Variants in LAMA2 observed in about 807,000 individuals in gnomAD.
LAMA2 encodes laminin subunit alpha 2, also known as laminin subunit alpha-2.
A neutral mutation model predicts 364.8 loss-of-function variants in LAMA2; 269 were observed. The ratio of observed to expected loss-of-function variants is 0.74; its 90% CI spans 0.67 to 0.82. The LOEUF is 0.82. Ranked by LOEUF, LAMA2 falls within the 40% of genes least tolerant of loss-of-function variation. LAMA2 has a pLI of 0.00. For missense variants in LAMA2, 3,807 were observed against 3,873.2 expected (o/e 0.98, Z 0.45); for synonymous variants, 1,379 against 1,370.6 (o/e 1.01, Z -0.14).
intron 1 of LAMA2, among the ~76,000 whole-genome samples, chr6:128,902,062 A>G (rs548309094): frequency 6.6e-6 from 1 of 152,222 alleles, no homozygotes; most frequent in Non-Finnish European, 1.5e-5. Flanking sequence ...AGGAAGGAGA[A>G]GTGCAGAGCG....
At chr6:129,222,976 C>T (rs898634805) in intron 12 of LAMA2, among the ~76,000 whole-genome samples, 2 of 152,300 alleles carry the variant, frequency 1.3e-5, no homozygotes, top group African/African-American at 4.8e-5. Context: ...AAAAGTGTTC[C>T]TATTTCTCCA....
intron 61 of LAMA2, 34 bp from the exon 62 acceptor site, chr6:129,507,455 C>T (rs1786184292): frequency 6.2e-7 from 1 of 1,612,710 alleles, no homozygotes; most frequent in Non-Finnish European, 8.5e-7. Context: ...TCTGCTAAAA[C>T]CTGACATTTG....
chr6:129,014,496 A>G (rs981852242), intron 1 of LAMA2, among the ~76,000 whole-genome samples: 20 of 152,192 alleles, frequency 1.3e-4, no homozygotes, highest in Non-Finnish European at 1.6e-4. Flanking sequence ...TCCAGATTTC[A>G]GCAGCATCAG....
chr6:129,048,540 CCTTT>C lies in LAMA2; in HGVS notation c.113-1367_113-1364del, dbSNP rs1308439018. On this transcript the variant is annotated intron_variant, in intron 1 of 64. Coordinates refer to ENST00000421865, the MANE Select transcript of LAMA2 (RefSeq NM_000426.4). ...TCCTTCCTTCCTTCCTTCCTTCCTT[CCTTT>C]CTTTCTTTCTCTCTCTCTCTCTCTT... Among the ~76,000 whole-genome samples, 10 of 53,990 alleles carry C rather than the reference CCTTT, an allele frequency of 1.9e-4. No homozygotes were observed. In the South Asian group the frequency reaches 2.9e-3, roughly 16 times the overall value. The allele number at this position is 53,990 out of a possible 152,430, so 35.4% of individuals were successfully genotyped here.
At chr6:129,116,377 A>T (rs1318047906) in intron 4 of LAMA2, among the ~76,000 whole-genome samples, 1 of 151,986 alleles carries the variant, frequency 6.6e-6, no homozygotes, top group African/African-American at 2.4e-5. Flanking sequence ...TCACGTCTTG[A>T]CTCTCAGTGA....
At chr6:129,388,049 G>C (rs1779110543) in intron 35 of LAMA2, among the ~76,000 whole-genome samples, 1 of 152,176 alleles carries the variant, frequency 6.6e-6, no homozygotes, top group African/African-American at 2.4e-5. Flanking sequence ...CCTGAGGTCA[G>C]GCGTTCAAGA....
At chr6:129,088,945 T>A (rs1241059232) in intron 3 of LAMA2, among the ~76,000 whole-genome samples, 5 of 152,086 alleles carry the variant, frequency 3.3e-5, no homozygotes, top group Admixed American at 3.3e-4. Flanking sequence ...CTCGGCACTT[T>A]GGGAGGCCAA....
intron 10 of LAMA2, among the ~76,000 whole-genome samples, chr6:129,184,146 A>G (rs1022441971): frequency 2.6e-5 from 4 of 151,848 alleles, no homozygotes; most frequent in Non-Finnish European, 5.9e-5. Context: ...TTTTCCCTGA[A>G]AGGATTTTTA....
chr6:129,139,501 T>C (rs1344770346), intron 4 of LAMA2, among the ~76,000 whole-genome samples: 1 of 152,138 alleles, frequency 6.6e-6, no homozygotes, highest in East Asian at 1.9e-4. Context: ...TTTTGAAATA[T>C]GTGTATAGGT....
intron 32 of LAMA2, among the ~76,000 whole-genome samples, chr6:129,353,684 G>C (rs778192045): frequency 3.3e-5 from 5 of 152,088 alleles, no homozygotes; most frequent in African/African-American, 4.8e-5. Context: ...CATTGCCTTT[G>C]TGACAGATTA....
chr6:129,490,768 T>C (rs947576323), intron 56 of LAMA2: 1 of 152,162 alleles, frequency 6.6e-6, no homozygotes, highest in Non-Finnish European at 1.5e-5. Flanking sequence ...CATTTTTCCA[T>C]AGTTTGGTAA....
chr6:129,423,303 A>G lies in LAMA2; in HGVS notation c.5866-4449A>G, dbSNP rs115310097. Among the ~76,000 whole-genome samples the G allele has an allele frequency of 2.9e-3, 438 of 152,250 alleles. 3 individuals are homozygous for G. The highest frequency in any genetic ancestry group is 9.9e-3 in the African/African-American group (411 of 41,534). On this transcript the variant is annotated intron_variant, in intron 40 of 64. Transcript: ENST00000421865. ...CATTACTTCCATTTAACATTGTACT[A>G]GAGAGACTAACCAGTACAAGGGGCA...
intron 1 of LAMA2, among the ~76,000 whole-genome samples, chr6:128,897,785 GC>G (rs1776859166): frequency 6.6e-6 from 1 of 152,094 alleles, no homozygotes; most frequent in African/African-American, 2.4e-5. Context: ...CATCCAGTTG[GC>G]CCCCTTTATG....
At chr6:129,280,973 T>A (rs1788675517) in intron 18 of LAMA2, among the ~76,000 whole-genome samples, 1 of 152,094 alleles carries the variant, frequency 6.6e-6, no homozygotes, top group Admixed American at 6.6e-5. Flanking sequence ...TTTCCTGTCA[T>A]CTTGGCAGCT....
chr6:129,129,849 G>A (rs917322206), intron 4 of LAMA2, among the ~76,000 whole-genome samples: 20 of 149,412 alleles, frequency 1.3e-4, no homozygotes, highest in East Asian at 1.2e-3. Flanking sequence ...GCGTGAACCC[G>A]GGAGGCGGAG....
At chr6:129,183,479 T>C (rs1562309036) in intron 10 of LAMA2, among the ~76,000 whole-genome samples, 1 of 151,984 alleles carries the variant, frequency 6.6e-6, no homozygotes, top group Non-Finnish European at 1.5e-5. Context: ...ATTAAGTCCT[T>C]ACAGGCCCAC....
intron 34 of LAMA2, among the ~76,000 whole-genome samples, chr6:129,379,243 T>G (rs1778544253): frequency 6.6e-6 from 1 of 151,534 alleles, no homozygotes; most frequent in Non-Finnish European, 1.5e-5. Context: ...ATGGAGAGGA[T>G]TAGGAAGAAT....
chr6:129,121,053 C>A (rs1376066565), intron 4 of LAMA2, among the ~76,000 whole-genome samples: 1 of 152,148 alleles, frequency 6.6e-6, no homozygotes, highest in Non-Finnish European at 1.5e-5. Flanking sequence ...AACCGTGGAA[C>A]CATGTGGTGT....
chr6:128,950,856 A>G (rs1780771994), intron 1 of LAMA2, among the ~76,000 whole-genome samples: 1 of 152,164 alleles, frequency 6.6e-6, no homozygotes, highest in South Asian at 2.1e-4. Flanking sequence ...ATACATATAC[A>G]TGTAAGGTGC....
Sources: gnomAD v4.1 joint callset for allele counts (sites outside exome capture counted in the v4.1 genomes callset) on GRCh38, gnomAD v4.1.1 for gene constraint, MANE v1.5 for transcripts, NCBI Gene and HGNC (gene_info 2026-07-23, HGNC 2026-07-21) for gene names.